Variants in STXBP5 observed in about 807,000 individuals in gnomAD.
STXBP5 encodes the protein syntaxin-binding protein 5.
Under a neutral mutation model 152.4 loss-of-function variants are expected in STXBP5, and 50 were observed. That is an observed-to-expected ratio of 0.33 (90% CI 0.26 to 0.42). The LOEUF is 0.42. Ranked by LOEUF, STXBP5 falls within the 10% of genes least tolerant of loss-of-function variation. The pLI is 1.00. For synonymous variants in STXBP5, 492 were observed against 494.7 expected (o/e 0.99, Z 0.07); for missense variants, 1,167 against 1,388.6 (o/e 0.84, Z 2.54).
chr6:147,263,523 C>T (rs1046062004), intron 6 of STXBP5, among the ~76,000 whole-genome samples: 1 of 151,812 alleles, frequency 6.6e-6, no homozygotes, highest in African/African-American at 2.4e-5. Context: ...GTGTTCTACT[C>T]TTTCAAAGCT....
intron 4 of STXBP5, 107 bp from the exon 5 acceptor site, chr6:147,260,508 A>G: frequency 2.5e-6 from 3 of 1,209,760 alleles, no homozygotes; most frequent in Non-Finnish European, 3.6e-6. Flanking sequence ...ATGATTATAT[A>G]CCAGTTTTGC....
At chr6:147,379,203 C>T (rs1785956022) in intron 26 of STXBP5, among the ~76,000 whole-genome samples, 1 of 152,094 alleles carries the variant, frequency 6.6e-6, no homozygotes, top group Non-Finnish European at 1.5e-5. Context: ...TCCTTAGTCA[C>T]ATCTGCAAAG....
At chr6:147,206,100 C>T (rs779651221) in intron 2 of STXBP5, 32 bp downstream of exon 2, 2 of 1,573,872 alleles carry the variant, frequency 1.3e-6, no homozygotes, top group Non-Finnish European at 1.7e-6. Context: ...TTTTTAACTT[C>T]TACTTTGTTC....
rs1786368265 is a variant in STXBP5 at position 147,386,932 on chromosome 6, A to G, written c.*2177A>G. 1 of 151,676 alleles carries G rather than the reference A, an allele frequency of 6.6e-6. No homozygotes were observed. The highest frequency in any genetic ancestry group is 1.5e-5 in the Non-Finnish European group (1 of 67,706). The allele number at this position is 151,676 out of a possible 1,614,324, so 9.4% of individuals were successfully genotyped here. A position where few individuals can be genotyped will look rare whatever the true frequency, so the allele number is the denominator to read the frequency against. On this transcript the variant is annotated 3_prime_UTR_variant, in exon 28 of 28. Coordinates refer to ENST00000321680, the MANE Select transcript of STXBP5 (RefSeq NM_001127715.4). Reference sequence around the variant, plus strand: ...ATATTTGTATATTAACTTCATTTTTACTGTCATTTTTCCTGTTGTATACAA... The same window carrying G: ...ATATTTGTATATTAACTTCATTTTTGCTGTCATTTTTCCTGTTGTATACAA...
At chr6:147,330,341 G>C (rs1470848309) in intron 18 of STXBP5, among the ~76,000 whole-genome samples, 1 of 152,098 alleles carries the variant, frequency 6.6e-6, no homozygotes, top group Non-Finnish European at 1.5e-5. Context: ...GCAGAACTAA[G>C]TAACTGAGTG....
chr6:147,238,732 T>C (rs1778398291), intron 3 of STXBP5, among the ~76,000 whole-genome samples: 1 of 152,214 alleles, frequency 6.6e-6, no homozygotes, highest in Non-Finnish European at 1.5e-5. Context: ...AGTAGTAGAA[T>C]TATGATCTGG....
chr6:147,345,583 T>C (rs1784290049), intron 21 of STXBP5, among the ~76,000 whole-genome samples: 1 of 152,204 alleles, frequency 6.6e-6, no homozygotes, highest in African/African-American at 2.4e-5. Context: ...AAACTCTCGG[T>C]ATAAACAAAA....
intron 11 of STXBP5, 67 bp downstream of exon 11, chr6:147,311,594 G>C (rs752198537): frequency 7.5e-6 from 9 of 1,206,088 alleles, no homozygotes; most frequent in Non-Finnish European, 9.6e-6. Flanking sequence ...TTTTATCATA[G>C]CATTAGCTAT....
chr6:147,308,486 A>G (rs1299904153), intron 9 of STXBP5, among the ~76,000 whole-genome samples: 1 of 152,136 alleles, frequency 6.6e-6, no homozygotes, highest in African/African-American at 2.4e-5. Flanking sequence ...TTTAATTACT[A>G]CCCACTATAT....
At chr6:147,286,014 C>T (rs933095415) in intron 8 of STXBP5, among the ~76,000 whole-genome samples, 1 of 152,140 alleles carries the variant, frequency 6.6e-6, no homozygotes, top group African/African-American at 2.4e-5. Flanking sequence ...TCAGAGCAAA[C>T]ATTTAAATTT....
chr6:147,295,824 A>G (rs1426659411), intron 9 of STXBP5, among the ~76,000 whole-genome samples: 2 of 152,166 alleles, frequency 1.3e-5, no homozygotes, highest in Non-Finnish European at 2.9e-5. Flanking sequence ...CAATGTGTGT[A>G]CCCTCACCAC....
At chr6:147,346,092 T>C (rs900743891) in intron 21 of STXBP5, among the ~76,000 whole-genome samples, 1 of 152,170 alleles carries the variant, frequency 6.6e-6, no homozygotes, top group South Asian at 2.1e-4. Context: ...TGTCTTTCAA[T>C]AACTCATCCA....
chr6:147,318,156 C>T (rs1338869222), intron 16 of STXBP5, among the ~76,000 whole-genome samples: 1 of 152,074 alleles, frequency 6.6e-6, no homozygotes, highest in East Asian at 1.9e-4. Context: ...TCTTTTCCTA[C>T]CTGAAGAAAA....
At chr6:147,317,020 G>C (rs902044903) in intron 16 of STXBP5, among the ~76,000 whole-genome samples, 1 of 152,104 alleles carries the variant, frequency 6.6e-6, no homozygotes, top group Non-Finnish European at 1.5e-5. Flanking sequence ...CATTGAAAAA[G>C]TACATGAAGA....
intron 4 of STXBP5, among the ~76,000 whole-genome samples, chr6:147,240,676 A>T (rs971046109): frequency 6.6e-6 from 1 of 152,240 alleles, no homozygotes; most frequent in South Asian, 2.1e-4. Context: ...AACAACTGTA[A>T]TAACAGTAGA....
Position 147,384,836 on chromosome 6 carries a change from G to T in STXBP5, c.*81G>T, listed in dbSNP as rs898904209. On this transcript the variant is annotated 3_prime_UTR_variant, in exon 28 of 28. Coordinates refer to ENST00000321680, the MANE Select transcript of STXBP5 (RefSeq NM_001127715.4). ...TATTACATTCTTTAGGAAAGTTAAC[G>T]TTAAAGGGATGTTCGTCACTGAATA... The T allele has an allele frequency of 2.0e-5, 27 of 1,369,812 alleles. No homozygotes were observed. Among genetic ancestry groups the T allele is most frequent in the Middle Eastern group, 1.8e-4 (1 of 5,500 alleles). 84.9% of individuals were successfully genotyped at this position (1,369,812 alleles called of 1,614,324 possible).
chr6:147,380,425 G>A (rs1333951112), intron 26 of STXBP5, among the ~76,000 whole-genome samples: 1 of 141,042 alleles, frequency 7.1e-6, no homozygotes, highest in African/African-American at 2.6e-5. Context: ...TTCAATAAGT[G>A]ATGTTGGAAT....
chr6:147,263,213 A>C (rs903569300), intron 6 of STXBP5, among the ~76,000 whole-genome samples: 1 of 151,986 alleles, frequency 6.6e-6, no homozygotes, highest in African/African-American at 2.4e-5. Flanking sequence ...TAATTATAGC[A>C]TTGTTTTAAA....
intron 21 of STXBP5, chr6:147,352,017 A>G (rs1437606006): frequency 4.2e-6 from 1 of 239,790 alleles, no homozygotes; most frequent in Admixed American, 6.5e-5. Flanking sequence ...ATGCACTACC[A>G]CTAACATAAT....
Sources: gnomAD v4.1 joint callset for allele counts (sites outside exome capture counted in the v4.1 genomes callset) on GRCh38, gnomAD v4.1.1 for gene constraint, MANE v1.5 for transcripts, NCBI Gene and HGNC (gene_info 2026-07-23, HGNC 2026-07-21) for gene names.